Variants in SFMBT2 observed in about 807,000 individuals in gnomAD.
SFMBT2 encodes scm-like with four MBT domains protein 2.
Under a neutral mutation model 110.1 loss-of-function variants are expected in SFMBT2, and 38 were observed. That is an observed-to-expected ratio of 0.35 (90% CI 0.27 to 0.45). The LOEUF (loss-of-function observed/expected upper bound fraction) is 0.45. Among genes scored for constraint, SFMBT2 ranks in the 20% least tolerant of loss-of-function variants. SFMBT2 has a pLI of 1.00. For missense variants in SFMBT2, 1,011 were observed against 1,094.9 expected (o/e 0.92, Z 1.08); for synonymous variants, 425 against 425.4 (o/e 1.00, Z 0.01).
chr10:7,305,563 T>C (rs559409420), intron 4 of SFMBT2, among the ~76,000 whole-genome samples: 3 of 152,320 alleles, frequency 2.0e-5, no homozygotes, highest in East Asian at 3.9e-4. Flanking sequence ...GTAGGCATGA[T>C]GCAAGGAAAC....
chr10:7,254,927 T>A (rs2692772), intron 7 of SFMBT2, among the ~76,000 whole-genome samples: 134,961 of 151,892 alleles, frequency 0.89, 60,073 homozygotes, highest in East Asian at 0.92. Context: ...AAGGCAAAAC[T>A]AGTCACTTGA....
intron 9 of SFMBT2, among the ~76,000 whole-genome samples, chr10:7,233,448 A>G (rs1840167487): frequency 6.6e-6 from 1 of 152,218 alleles, no homozygotes; most frequent in Admixed American, 6.5e-5. Flanking sequence ...AGCTCCATAG[A>G]GAGATCTTCC....
At chr10:7,357,257 C>T (rs1379857398) in intron 4 of SFMBT2, among the ~76,000 whole-genome samples, 3 of 152,066 alleles carry the variant, frequency 2.0e-5, no homozygotes, top group Admixed American at 6.6e-5. Flanking sequence ...GGCTGGGCCA[C>T]GGTGCCCAGA....
chr10:7,213,847 T>C (rs35881162), intron 11 of SFMBT2, among the ~76,000 whole-genome samples: 40,844 of 150,814 alleles, frequency 0.27, 5,954 homozygotes, highest in South Asian at 0.4. Context: ...CTCAGATCCG[T>C]GTGCACAGCG....
intron 4 of SFMBT2, among the ~76,000 whole-genome samples, chr10:7,288,355 T>C (rs1026422228): frequency 6.6e-6 from 1 of 152,262 alleles, no homozygotes; most frequent in Non-Finnish European, 1.5e-5. Flanking sequence ...ATAACTCATC[T>C]GTTTGTCCAC....
At chr10:7,233,504 G>GTATTT (rs1840170476) in intron 9 of SFMBT2, among the ~76,000 whole-genome samples, 1 of 152,214 alleles carries the variant, frequency 6.6e-6, no homozygotes, top group Non-Finnish European at 1.5e-5. Flanking sequence ...AAGAGCATGT[G>GTATTT]TAAATAGCAA....
At chr10:7,321,408 A>G (rs1249504560) in intron 4 of SFMBT2, among the ~76,000 whole-genome samples, 1 of 152,112 alleles carries the variant, frequency 6.6e-6, no homozygotes, top group Non-Finnish European at 1.5e-5. Flanking sequence ...TCACTGTGTT[A>G]GCCAGGATGG....
chr10:7,260,116 C>T (rs1425007364), intron 7 of SFMBT2, among the ~76,000 whole-genome samples: 1 of 152,314 alleles, frequency 6.6e-6, no homozygotes, highest in East Asian at 1.9e-4. Flanking sequence ...TGCCTACTAC[C>T]ACTATGGCAG....
intron 4 of SFMBT2, among the ~76,000 whole-genome samples, chr10:7,365,979 AAAAAG>A (rs899609814): frequency 2.6e-5 from 4 of 151,990 alleles, no homozygotes; most frequent in Non-Finnish European, 2.9e-5. Context: ...TTAGATCTTA[AAAAAG>A]AAAAGAAAAG....
chr10:7,291,842 G>A (rs1202016682), intron 4 of SFMBT2, among the ~76,000 whole-genome samples: 1 of 152,168 alleles, frequency 6.6e-6, no homozygotes, highest in Non-Finnish European at 1.5e-5. Flanking sequence ...CACGGCAGGG[G>A]TGGAAGAAGG....
At chr10:7,344,623 A>T (rs1844045170) in intron 4 of SFMBT2, among the ~76,000 whole-genome samples, 1 of 152,144 alleles carries the variant, frequency 6.6e-6, no homozygotes, top group Non-Finnish European at 1.5e-5. Context: ...AAGAGAGGGA[A>T]TCAAGAAAGT....
chr10:7,281,966 C>T (rs1841959441), intron 6 of SFMBT2, among the ~76,000 whole-genome samples: 1 of 152,080 alleles, frequency 6.6e-6, no homozygotes, highest in Non-Finnish European at 1.5e-5. Context: ...CACCTCAGCC[C>T]CCTAAGTAGC....
chr10:7,403,099 G>A (rs952923826), intron 1 of SFMBT2, among the ~76,000 whole-genome samples: 14 of 152,146 alleles, frequency 9.2e-5, no homozygotes, highest in Admixed American at 2.6e-4. Context: ...TGTCCTAACT[G>A]AGCATCTGCA....
chr10:7,237,506 A>C (rs1840293937), intron 9 of SFMBT2, among the ~76,000 whole-genome samples: 1 of 152,226 alleles, frequency 6.6e-6, no homozygotes, highest in South Asian at 2.1e-4. Flanking sequence ...TAAACAAAGA[A>C]GCCTATGCAG....
intron 2 of SFMBT2, among the ~76,000 whole-genome samples, chr10:7,379,486 CT>C (rs1845363996): frequency 6.6e-6 from 1 of 152,214 alleles, no homozygotes; most frequent in African/African-American, 2.4e-5. Flanking sequence ...ATTTGAGTTT[CT>C]CAAGTGAATC....
In SFMBT2 at chr10:7,170,606, G is replaced by A. The variant is rs1319095034; in HGVS notation, c.2544+322C>T. On this transcript the variant is annotated intron_variant, in intron 20 of 20. Coordinates refer to ENST00000397167, the MANE Select transcript of SFMBT2 (RefSeq NM_001387889.1). This position sits in a 1 kb window ranked among gnomAD's most constrained non-coding sequence, Gnocchi z 4.6. ...AGTCGGTGGAGATGGCAGGGGGAGC[G>A]TGGACTCGCACCCCTCACCTGGCAG... is the stretch of plus-strand genomic sequence containing the variant. Among the ~76,000 whole-genome samples, 15 of 151,992 alleles carry A rather than the reference G, an allele frequency of 9.9e-5. No individual in the cohort carries two copies. The highest frequency in any genetic ancestry group is 9.2e-4 in the Admixed American group (14 of 15,252).
chr10:7,352,454 C>A (rs1844353539), intron 4 of SFMBT2, among the ~76,000 whole-genome samples: 1 of 152,186 alleles, frequency 6.6e-6, no homozygotes, highest in Admixed American at 6.5e-5. Context: ...TCCTGAGTAG[C>A]TGGGACTACA....
intron 10 of SFMBT2, among the ~76,000 whole-genome samples, chr10:7,222,155 C>T (rs1839762595): frequency 6.6e-6 from 1 of 152,196 alleles, no homozygotes; most frequent in African/African-American, 2.4e-5. Flanking sequence ...CACTGAGATT[C>T]ATCCATGCTA....
chr10:7,381,724 G>A, intron 2 of SFMBT2, 75 bp downstream of exon 2: 9 of 1,483,536 alleles, frequency 6.1e-6, no homozygotes, highest in Non-Finnish European at 8.4e-6. Context: ...TTGCCCCATT[G>A]TTTCCTGAAT....
Sources: gnomAD v4.1 joint callset for allele counts (sites outside exome capture counted in the v4.1 genomes callset) on GRCh38, gnomAD v4.1.1 for gene constraint, Gnocchi (gnomAD v3.1) non-coding constraint, MANE v1.5 for transcripts, NCBI Gene and HGNC (gene_info 2026-07-23, HGNC 2026-07-21) for gene names.